The following CFAP210 variants were observed in gnomAD, a reference collection of about 807,000 sequenced individuals.
CFAP210 encodes cilia- and flagella- associated protein 210.
chr2:169,679,460 C>T, the CFAP210 span, among the ~76,000 whole-genome samples: 2 of 151,870 alleles, frequency 1.3e-5, no homozygotes, highest in South Asian at 2.1e-4. Flanking sequence ...AGGTGGATCA[C>T]GAGGTCAGGA....
At chr2:169,684,053 C>A in the CFAP210 span, among the ~76,000 whole-genome samples, 2 of 152,112 alleles carry the variant, frequency 1.3e-5, no homozygotes, top group Non-Finnish European at 2.9e-5. Context: ...AGAGGGCAAT[C>A]TTACTTCCAA....
the CFAP210 span, among the ~76,000 whole-genome samples, chr2:169,676,886 C>T: frequency 1.2e-4 from 18 of 152,288 alleles, no homozygotes; most frequent in East Asian, 3.3e-3. Flanking sequence ...AACCCTGCCT[C>T]TCAGTGCCTC....
the CFAP210 span, among the ~76,000 whole-genome samples, chr2:169,676,434 G>C: frequency 1.3e-5 from 2 of 150,806 alleles, no homozygotes; most frequent in Non-Finnish European, 2.9e-5. Flanking sequence ...TTAAAATCAA[G>C]TTTTCTATAT....
At chr2:169,656,964 CAAAAAAAA>C in the CFAP210 span, among the ~76,000 whole-genome samples, 2 of 40,330 alleles carry the variant, frequency 5.0e-5, no homozygotes, top group South Asian at 1.4e-3. Flanking sequence ...GACTCCATCT[CAAAAAAAA>C]AAAAAAAAAA....
chr2:169,666,609 C>T, the CFAP210 span, among the ~76,000 whole-genome samples: 2 of 151,732 alleles, frequency 1.3e-5, no homozygotes, highest in African/African-American at 4.8e-5. Context: ...CCATCTACTT[C>T]AGGCTTTTGA....
the CFAP210 span, among the ~76,000 whole-genome samples, chr2:169,685,489 A>C: frequency 6.6e-6 from 1 of 152,228 alleles, no homozygotes; most frequent in Non-Finnish European, 1.5e-5. Flanking sequence ...AGAATTCTTT[A>C]TAATCTGGAT....
chr2:169,646,063 AATTACCTCT>A, the CFAP210 span: 1 of 1,613,816 alleles, frequency 6.2e-7, no homozygotes, highest in African/African-American at 1.3e-5. Flanking sequence ...ATTCAAGTTC[AATTACCTCT>A]CTGGCATAGT....
the CFAP210 span, chr2:169,658,737 A>G: frequency 3.1e-6 from 1 of 322,938 alleles, no homozygotes; most frequent in South Asian, 2.9e-5. Context: ...CATGGATTTA[A>G]TTTGCTTGGA....
At chr2:169,653,032 ATATATATATATATATAT>A in the CFAP210 span, among the ~76,000 whole-genome samples, 10 of 17,504 alleles carry the variant, frequency 5.7e-4, no homozygotes, top group East Asian at 9.2e-3. Flanking sequence ...AAAAAAAAAT[ATATATATATATATATAT>A]ATATATATAT....
the CFAP210 span, among the ~76,000 whole-genome samples, chr2:169,663,798 A>AT: frequency 1.8e-3 from 272 of 147,966 alleles, no homozygotes; most frequent in African/African-American, 6.1e-3. Flanking sequence ...AATAATAATA[A>AT]AAAAAAAAAA....
chr2:169,687,052 C>T, the CFAP210 span, among the ~76,000 whole-genome samples: 3 of 152,096 alleles, frequency 2.0e-5, no homozygotes, highest in African/African-American at 7.2e-5. Flanking sequence ...CCTGATAATC[C>T]CATCAGATCT....
chr2:169,646,399 T>C, the CFAP210 span, among the ~76,000 whole-genome samples: 1 of 152,222 alleles, frequency 6.6e-6, no homozygotes, highest in Non-Finnish European at 1.5e-5. Flanking sequence ...CCTTATGTGA[T>C]ACATTTGCAA....
At chr2:169,662,184 G>T in the CFAP210 span, 2 of 1,298,096 alleles carry the variant, frequency 1.5e-6, no homozygotes, top group Non-Finnish European at 2.2e-6. Context: ...AATACCACAT[G>T]TACTCCATAA....
the CFAP210 span, among the ~76,000 whole-genome samples, chr2:169,661,885 T>TA: frequency 2.6e-5 from 4 of 152,156 alleles, no homozygotes; most frequent in Admixed American, 6.6e-5. Context: ...ATGTGTGAGC[T>TA]AAAAAGTGAT....
chr2:169,685,129 G>A, the CFAP210 span, among the ~76,000 whole-genome samples: 5 of 152,102 alleles, frequency 3.3e-5, no homozygotes, highest in Non-Finnish European at 7.3e-5. Context: ...ATTATCTTTG[G>A]TATATGCTTA....
the CFAP210 span, among the ~76,000 whole-genome samples, chr2:169,682,665 C>T: frequency 1.3e-5 from 2 of 152,056 alleles, no homozygotes; most frequent in African/African-American, 2.4e-5. Flanking sequence ...GGAGGTAAGA[C>T]ATCAAAGGAA....
chr2:169,650,790 A>T, the CFAP210 span, among the ~76,000 whole-genome samples: 1 of 147,150 alleles, frequency 6.8e-6, no homozygotes, highest in African/African-American at 2.6e-5. Context: ...TAAGATCTTA[A>T]AATTATCTAC....
At chr2:169,653,064 A>ATATATATATATG in the CFAP210 span, among the ~76,000 whole-genome samples, 5 of 96,268 alleles carry the variant, frequency 5.2e-5, no homozygotes, top group South Asian at 3.5e-4. Flanking sequence ...ATATATATAT[A>ATATATATATATG]TATGTATGTG....
the CFAP210 span, among the ~76,000 whole-genome samples, chr2:169,676,558 T>A: frequency 1.7e-4 from 9 of 54,010 alleles, no homozygotes; most frequent in Admixed American, 1.1e-3. Flanking sequence ...CCACTCCCCC[T>A]ACCTGTAGGC....
Sources: gnomAD v4.1 joint callset for allele counts (sites outside exome capture counted in the v4.1 genomes callset) on GRCh38, gnomAD v4.1.1 for gene constraint, MANE v1.5 for transcripts, NCBI Gene and HGNC (gene_info 2026-07-23, HGNC 2026-07-21) for gene names.